DNAH12: variants seen among roughly 807,000 people sequenced by gnomAD.
DNAH12 encodes the protein dynein axonemal heavy chain 12, also known as axonemal beta dynein heavy chain 12.
A neutral mutation model predicts 371.5 loss-of-function variants in DNAH12; 285 were observed. That is an observed-to-expected ratio of 0.77 (90% CI 0.70 to 0.85). The LOEUF (loss-of-function observed/expected upper bound fraction) is 0.85, where lower values mean the gene tolerates loss of function less well. DNAH12 is among the 40% of genes least tolerant of loss of function. DNAH12 has a pLI of 0.00. For missense variants in DNAH12, 3,611 were observed against 3,689.4 expected (o/e 0.98, Z 0.55); for synonymous variants, 1,200 against 1,213.0 (o/e 0.99, Z 0.22).
intron 11 of DNAH12, among the ~76,000 whole-genome samples, chr3:57,490,997 G>A (rs1416495042): frequency 3.5e-5 from 5 of 143,968 alleles, no homozygotes; most frequent in Admixed American, 2.2e-4. Flanking sequence ...GCTGAGAATC[G>A]CTTGAACCTG....
At chr3:57,448,235 G>A (rs1232339070) in intron 25 of DNAH12, among the ~76,000 whole-genome samples, 3 of 152,158 alleles carry the variant, frequency 2.0e-5, no homozygotes, top group Non-Finnish European at 4.4e-5. Context: ...CTGATGGTCG[G>A]ATGTGTTGGG....
chr3:57,471,438 T>G, intron 15 of DNAH12, 34 bp downstream of exon 15: 1 of 1,497,974 alleles, frequency 6.7e-7, no homozygotes, highest in Non-Finnish European at 8.8e-7. Flanking sequence ...CTCTATGGGC[T>G]GGCCATAGCT....
rs1411788080 is a variant in DNAH12, at chr3:57,444,795, C to T, written c.4447G>A (p.Val1483Ile). 14 of 1,544,432 alleles carry T rather than the reference C, an allele frequency of 9.1e-6. No homozygotes were observed. The highest frequency in any genetic ancestry group is 1.4e-5 in the African/African-American group (1 of 72,658). Residue 1483 changes from valine to isoleucine, a missense_variant, in exon 29 of 74, where the codon GTA (valine) becomes ATA (isoleucine). This residue lies in a region of DNAH12 where 2,266 missense variants were observed against 2,236.9 expected (regional missense o/e 1.01). Transcript: ENST00000495027. The stretch of plus-strand genomic sequence containing the variant: ...TGTGATAAAAACTTTGGTTCATTTA[C>T]ATCTTTAATTGATCGAAGAAGCTAA... Reference protein sequence around the residue: ...DILLLRSIKDVNEPKFLSHDI... With the variant: ...DILLLRSIKDINEPKFLSHDI...
At position 57,352,166 on chromosome 3, in the gene DNAH12, T is replaced by C. The variant is rs1553660599; in HGVS notation, c.9593A>G (p.Asn3198Ser). The C allele has an allele frequency of 6.5e-7, 1 of 1,543,726 alleles. No individual in the cohort carries two copies. Among genetic ancestry groups the C allele is most frequent in the Non-Finnish European group, 8.7e-7 (1 of 1,145,088 alleles). ...LRYLNDHFTY[N>S]LYCNICRSLF... ...TGATCGGCATATATTACAATATAAG[T>C]TGTATGTGAAGTGGTCATTTAAATA... Residue 3198 changes from asparagine (N) to serine (S), a missense_variant, in exon 60 of 74, where the codon AAC becomes AGC. This residue lies in a region of DNAH12 where 2,266 missense variants were observed against 2,236.9 expected (regional missense o/e 1.01). Transcript: ENST00000495027.
Position 57,446,136 on chromosome 3 carries a change from C to T in DNAH12, c.4074G>A (p.Val1358=), listed in dbSNP as rs964725126. 3.2e-6 allele frequency: 5 copies of T among 1,551,532 alleles called. No homozygotes were observed. The highest frequency in any genetic ancestry group is 3.9e-5 in the Admixed American group (2 of 50,976). Residue 1358 remains valine, a synonymous_variant, in exon 27 of 74, where the codon GTG becomes GTA. Transcript: ENST00000495027. The part of the protein sequence containing the change: ...IQRAIQQKLV[V]FVFEGTELKL... Reference sequence around the variant, plus strand: ...TAAGTTCTGTCCCTTCAAAAACAAACACAACCAACTTCTGTTGAATAGCTC... The same window carrying T: ...TAAGTTCTGTCCCTTCAAAAACAAATACAACCAACTTCTGTTGAATAGCTC...
chr3:57,343,939 C>A (rs782001302), intron 60 of DNAH12, among the ~76,000 whole-genome samples: 5 of 152,146 alleles, frequency 3.3e-5, no homozygotes, highest in Non-Finnish European at 5.9e-5. Flanking sequence ...AACATAGATT[C>A]TTTTGCTCAC....
intron 39 of DNAH12, among the ~76,000 whole-genome samples, chr3:57,410,565 TC>T (rs1348461110): frequency 2.0e-5 from 3 of 152,120 alleles, no homozygotes; most frequent in Non-Finnish European, 4.4e-5. Flanking sequence ...ATACCTGTAA[TC>T]CCAGTGCTTT....
intron 15 of DNAH12, among the ~76,000 whole-genome samples, chr3:57,471,071 T>C (rs983631590): frequency 2.7e-4 from 41 of 152,100 alleles, no homozygotes; most frequent in Non-Finnish European, 4.4e-5. Flanking sequence ...GGTACAATTA[T>C]GTCTACTCTA....
intron 12 of DNAH12, among the ~76,000 whole-genome samples, chr3:57,486,884 G>A (rs1279753536): frequency 6.6e-6 from 1 of 152,086 alleles, no homozygotes; most frequent in Non-Finnish European, 1.5e-5. Context: ...ATGATGGAGT[G>A]TCAAGAAGAA....
At chr3:57,546,200 C>T (rs917595069), upstream of DNAH12, among the ~76,000 whole-genome samples, 1 of 152,130 alleles carries the variant, frequency 6.6e-6, no homozygotes, top group Admixed American at 6.5e-5. Context: ...CCATAAAAAC[C>T]CTGGACCCCA....
At chr3:57,346,533 A>T (rs1179910003) in intron 60 of DNAH12, among the ~76,000 whole-genome samples, 1 of 134,368 alleles carries the variant, frequency 7.4e-6, no homozygotes, top group African/African-American at 3.1e-5. Context: ...GAAGAGGAAA[A>T]CAGTAACAAC....
intron 17 of DNAH12, among the ~76,000 whole-genome samples, chr3:57,466,947 G>T (rs1419715989): frequency 6.6e-6 from 1 of 151,640 alleles, no homozygotes; most frequent in Admixed American, 6.6e-5. Context: ...TAGAGGTAGG[G>T]TCTCACTATG....
intron 34 of DNAH12, among the ~76,000 whole-genome samples, chr3:57,428,120 G>A (rs1005802495): frequency 7.2e-5 from 11 of 151,908 alleles, no homozygotes; most frequent in Admixed American, 6.6e-4. Flanking sequence ...GTAGAGACAG[G>A]GTTTCACCAT....
Position 57,454,866 on chromosome 3 carries a change from C to T in DNAH12, c.3365G>A (p.Trp1122Ter). ...LAYPESARRD[W>*]VREWPGQVVL... is the part of the protein sequence containing the mutation. ...AACTTGGCCAGGCCACTCTCGAACC[C>T]AGTCTCTTCTTGCAGATTCTGGATA... The change falls in exon 23 of 74, where the codon TGG becomes TAG. Residue 1122 changes from tryptophan (W) to a stop codon, truncating the protein, a stop_gained. Transcript: ENST00000495027. LOFTEE classifies it high-confidence loss of function. The T allele has an allele frequency of 6.4e-7, 1 of 1,551,206 alleles. No homozygotes were observed.
At chr3:57,444,906 C>T in intron 28 of DNAH12, 90 bp from the exon 29 acceptor site, 4 of 1,427,934 alleles carry the variant, frequency 2.8e-6, no homozygotes, top group Non-Finnish European at 3.7e-6. Context: ...GCCTGCCCCA[C>T]CCCACCCCCC....
chr3:57,486,601 A>G (rs1407402938), intron 12 of DNAH12, among the ~76,000 whole-genome samples: 1 of 152,176 alleles, frequency 6.6e-6, no homozygotes, highest in East Asian at 1.9e-4. Context: ...GAGTACCTAC[A>G]ATATGCTAAG....
intron 2 of DNAH12, among the ~76,000 whole-genome samples, chr3:57,540,331 G>A (rs573666804): frequency 1.2e-3 from 178 of 152,268 alleles, no homozygotes; most frequent in Non-Finnish European, 2.0e-3. Context: ...GATTACAGGT[G>A]TAAGCCACCG....
intron 62 of DNAH12, 147 bp downstream of exon 62, chr3:57,334,318 C>A: frequency 1.2e-6 from 1 of 859,616 alleles, no homozygotes; most frequent in African/African-American, 1.8e-5. Context: ...AACAGTAAAC[C>A]CACAGATCTA....
At chr3:57,554,833 T>C in the DNAH12 span, among the ~76,000 whole-genome samples, 2 of 151,866 alleles carry the variant, frequency 1.3e-5, no homozygotes, top group African/African-American at 4.8e-5. Flanking sequence ...GCCAGGCTGG[T>C]CTCGAACTCC....
Sources: allele counts gnomAD v4.1 joint callset (sites outside exome capture counted in the v4.1 genomes callset), GRCh38; gene constraint gnomAD v4.1.1; regional missense constraint gnomAD v4.1.1; transcripts MANE v1.5; gene names NCBI Gene and HGNC (gene_info 2026-07-23, HGNC 2026-07-21).